SLC25A48: variants seen among roughly 807,000 people sequenced by gnomAD.
SLC25A48 encodes solute carrier family 25 member 48.
Under a neutral mutation model 32.2 loss-of-function variants are expected in SLC25A48, and 29 were observed. The observed-to-expected ratio is 0.90, with a 90% CI of 0.67 to 1.23. The LOEUF (loss-of-function observed/expected upper bound fraction) is 1.23. Ranked by LOEUF, SLC25A48 falls within the 50% of genes most tolerant of loss-of-function variation. SLC25A48 has a pLI of 0.00. For synonymous variants in SLC25A48, 164 were observed against 172.3 expected (o/e 0.95, Z 0.38); for missense variants, 399 against 422.7 (o/e 0.94, Z 0.49).
At chr5:135,860,840 G>A (rs935299891) in intron 4 of SLC25A48, among the ~76,000 whole-genome samples, 2 of 152,208 alleles carry the variant, frequency 1.3e-5, no homozygotes, top group African/African-American at 4.8e-5. Flanking sequence ...TGATATGAGA[G>A]ACAGCACTCA....
In SLC25A48 at chr5:135,850,415, C is replaced by G. The variant is rs773632631; in HGVS notation, c.91-10C>G. The G allele has an allele frequency of 6.2e-7, 1 of 1,614,146 alleles. No homozygotes were observed. ...TCTGCGCTGACCCATGTCCTTGCCT[C>G]TCTCCATAGACTCGCCTGCAGGCTG... On this transcript the variant is annotated splice_polypyrimidine_tract_variant and intron_variant, in intron 2 of 7. Transcript: ENST00000681962.
At chr5:135,793,849 T>A (rs1043705683) in intron 3 of SLC25A48, among the ~76,000 whole-genome samples, 1 of 151,352 alleles carries the variant, frequency 6.6e-6, no homozygotes, top group Non-Finnish European at 1.5e-5. Flanking sequence ...ATATTATTTG[T>A]AATATCATGT....
chr5:135,590,212 C>T (rs1475918920), intron 1 of SLC25A48, among the ~76,000 whole-genome samples: 1 of 152,160 alleles, frequency 6.6e-6, no homozygotes, highest in African/African-American at 2.4e-5. Flanking sequence ...CATATAGGGC[C>T]CCCAACATGG....
intron 1 of SLC25A48, among the ~76,000 whole-genome samples, chr5:135,625,027 AG>A (rs1752412762): frequency 7.9e-5 from 12 of 152,158 alleles, no homozygotes; most frequent in Admixed American, 3.9e-4. Context: ...ACAGGGGAGA[AG>A]GATGAGCCAT....
chr5:135,772,208 C>T (rs1369624017), intron 3 of SLC25A48, among the ~76,000 whole-genome samples: 1 of 151,366 alleles, frequency 6.6e-6, no homozygotes, highest in African/African-American at 2.4e-5. Context: ...GACTTTACTC[C>T]CAATATCGCA....
intron 2 of SLC25A48, among the ~76,000 whole-genome samples, chr5:135,843,540 G>C (rs764259742): frequency 1.1e-4 from 16 of 152,194 alleles, no homozygotes; most frequent in Non-Finnish European, 2.1e-4. Flanking sequence ...ACAGTGGTAG[G>C]TGCTGGGGGA....
At chr5:135,822,589 T>C (rs908463720) in intron 4 of SLC25A48, among the ~76,000 whole-genome samples, 8 of 152,270 alleles carry the variant, frequency 5.3e-5, no homozygotes, top group South Asian at 4.1e-4. Flanking sequence ...CCTCATCTTA[T>C]AGGGACAAGC....
At position 135,731,718 on chromosome 5, in the gene SLC25A48, T is replaced by A. The variant is rs75322630; in HGVS notation, c.-520-80805T>A. 1.0e-2 allele frequency among the ~76,000 whole-genome samples: 1,520 copies of A among 152,292 alleles called. 27 individuals are homozygous for A. Among genetic ancestry groups the A allele is most frequent in the African/African-American group, 0.034 (1,431 of 41,550 alleles). On this transcript the variant is annotated intron_variant, in intron 3 of 10. Transcript: ENST00000646290. ...AGGAGAAAAACAGATATTAAAGGAC[T>A]AAGAATTGGGAGGGCCCAGGCCATC...
intron 3 of SLC25A48, among the ~76,000 whole-genome samples, chr5:135,729,523 T>G (rs1406515436): frequency 6.6e-6 from 1 of 152,242 alleles, no homozygotes; most frequent in Non-Finnish European, 1.5e-5. Flanking sequence ...CCAAGGGTCA[T>G]CTGTAAGTTG....
Position 135,852,676 on chromosome 5 carries a change from C to T in SLC25A48, c.276C>T (p.Cys92=), listed in dbSNP as rs368023667. The T allele has an allele frequency of 3.7e-6, 6 of 1,613,836 alleles. No homozygotes were observed. The highest frequency in any genetic ancestry group is 1.3e-5 in the African/African-American group (1 of 75,028). Residue 92 remains cysteine (C), a synonymous_variant, in exon 4 of 8, where the codon TGC becomes TGT. Transcript: ENST00000681962. ...AGCGGTTCCTCAGCCAGCACCGCTG[C>T]GGGGAGCCAGAGGCCAGTCCTCCCC... ...NTQRFLSQHR[C]GEPEASPPRT...
rs563112860 is a variant in SLC25A48 at position 135,599,987 on chromosome 5, AC to A, written c.-849+20391del. On this transcript the variant is annotated intron_variant, in intron 1 of 10. Coordinates refer to the SLC25A48 transcript ENST00000646290. The stretch of plus-strand genomic sequence containing the variant: ...CATAACATATCTAAGAAAAAAAAAA[AC>A]ATTTGTATTTCTACATACTCCCCCC... Among the ~76,000 whole-genome samples the A allele has an allele frequency of 5.5e-3, 832 of 152,066 alleles. 4 individuals carry two copies. Among genetic ancestry groups the A allele is most frequent in the Non-Finnish European group, 8.3e-3 (564 of 67,984 alleles).
chr5:135,874,068 C>G lies in SLC25A48; in HGVS notation c.727C>G (p.Arg243Gly). The G allele has an allele frequency of 6.5e-7, 1 of 1,529,842 alleles. No individual in the cohort carries two copies. Among genetic ancestry groups the G allele is most frequent in the Non-Finnish European group, 8.7e-7 (1 of 1,144,958 alleles). The allele number at this position is 1,529,842 out of a possible 1,614,324, so 94.8% of individuals were successfully genotyped here. A position where few individuals can be genotyped will look rare whatever the true frequency, so the allele number is the denominator to read the frequency against. Residue 243 changes from arginine to glycine, a missense_variant, in exon 6 of 8, where the codon CGA becomes GGA. Coordinates refer to ENST00000681962, the MANE Select transcript of SLC25A48 (RefSeq NM_001349336.2). ...TATPMDVVKSRLQADGVYLNK... is the reference protein window; with the variant it reads ...TATPMDVVKSGLQADGVYLNK... The stretch of plus-strand genomic sequence containing the variant: ...GACTCCTATGGATGTCGTGAAAAGT[C>G]GACTCCAAGCTGATGGGGTTTATTT...
chr5:135,784,419 C>G (rs1450866299), intron 3 of SLC25A48, among the ~76,000 whole-genome samples: 1 of 117,818 alleles, frequency 8.5e-6, no homozygotes, highest in Non-Finnish European at 2.1e-5. Context: ...AAGTATACAC[C>G]CACCCTGTGA....
rs377205914 is a variant in SLC25A48 at position 135,820,623 on chromosome 5, TA to T, written c.-117+7705del. Among the ~76,000 whole-genome samples, 1,307 of 152,014 alleles carry T rather than the reference TA, an allele frequency of 8.6e-3. 20 individuals carry two copies. Among genetic ancestry groups the T allele is most frequent in the African/African-American group, 0.029 (1,213 of 41,454 alleles). On this transcript the variant is annotated intron_variant, in intron 4 of 10. Transcript: ENST00000646290. ...GTACAAAGAGAGACAAAGAGATGGA[TA>T]AAAAAAATCATAAAAATGGACAAGT... is the stretch of plus-strand genomic sequence containing the variant.
intron 4 of SLC25A48, among the ~76,000 whole-genome samples, chr5:135,816,807 AAG>A (rs1438938948): frequency 2.6e-5 from 4 of 152,238 alleles, no homozygotes; most frequent in African/African-American, 9.6e-5. Context: ...TCCAAAGAGA[AAG>A]AGAACAAATG....
intron 3 of SLC25A48, chr5:135,652,552 A>G: frequency 2.5e-6 from 1 of 407,842 alleles, no homozygotes. Context: ...TGGCTGGGCT[A>G]AATGAAAGGT....
At chr5:135,866,808 A>G (rs1235666585) in intron 4 of SLC25A48, among the ~76,000 whole-genome samples, 4 of 152,240 alleles carry the variant, frequency 2.6e-5, no homozygotes, top group African/African-American at 9.6e-5. Context: ...GTGGGTTGCT[A>G]TTTTCATTGA....
intron 3 of SLC25A48, among the ~76,000 whole-genome samples, chr5:135,682,924 A>G (rs1019719475): frequency 2.5e-4 from 38 of 152,178 alleles, no homozygotes; most frequent in African/African-American, 8.9e-4. Flanking sequence ...GATTATTACT[A>G]ATCATCATTT....
chr5:135,608,374 C>T (rs145015774), intron 1 of SLC25A48, among the ~76,000 whole-genome samples: 7 of 152,282 alleles, frequency 4.6e-5, no homozygotes, highest in Middle Eastern at 3.4e-3. Context: ...CAGAATGGGA[C>T]CAGCACCAGC....
Sources: allele counts gnomAD v4.1 joint callset (sites outside exome capture counted in the v4.1 genomes callset), GRCh38; gene constraint gnomAD v4.1.1; transcripts MANE v1.5; gene names NCBI Gene and HGNC (gene_info 2026-07-23, HGNC 2026-07-21).